PPM1L: variants seen among roughly 807,000 people sequenced by gnomAD.
The protein encoded by PPM1L is protein phosphatase 1L.
In PPM1L, 13 loss-of-function variants were observed where a neutral mutation model predicts 31.4. The observed-to-expected ratio is 0.41, with a 90% confidence interval of 0.27 to 0.66. The LOEUF is 0.66. Ranked by LOEUF, PPM1L falls within the 30% of genes least tolerant of loss-of-function variation. The pLI is 0.29. For missense variants in PPM1L, 326 were observed against 453.7 expected, an observed-to-expected ratio of 0.72 and a Z score of 2.56; for synonymous variants, 184 against 175.4, an observed-to-expected ratio of 1.05 and a Z score of -0.39.
intron 3 of PPM1L, among the ~76,000 whole-genome samples, chr3:161,067,883 C>A (rs574813849): frequency 3.5e-4 from 54 of 152,328 alleles, no homozygotes; most frequent in Non-Finnish European, 7.5e-4. Flanking sequence ...TCTCCATCTG[C>A]CTACAGCATT....
rs75599237 is a variant in PPM1L, at chr3:160,973,764, G to GTTTTTTTTTTTTTTT, written c.574+11869_574+11883dup. Among the ~76,000 whole-genome samples, 162 of 88,426 alleles carry GTTTTTTTTTTTTTTT rather than the reference G, an allele frequency of 1.8e-3. 2 individuals are homozygous for GTTTTTTTTTTTTTTT. Among genetic ancestry groups the GTTTTTTTTTTTTTTT allele is most frequent in the Non-Finnish European group, 3.1e-3 (121 of 39,124 alleles). 58.0% of individuals were successfully genotyped at this position (88,426 alleles called of 152,430 possible). On this transcript the variant is annotated intron_variant, in intron 2 of 3. Transcript: ENST00000498165. ...GGTAAATTGCCTTCTGAAAGGCCCT[G>GTTTTTTTTTTTTTTT]TTTTTTTTTTTTTTTTTTTTTTTTT...
intron 1 of PPM1L, among the ~76,000 whole-genome samples, chr3:160,956,098 G>A (rs527790031): frequency 2.5e-4 from 38 of 152,232 alleles, no homozygotes; most frequent in Non-Finnish European, 4.6e-4. Flanking sequence ...CTAATGACCA[G>A]CATCAGCATT....
At chr3:160,821,681 T>C (rs1158142114) in intron 1 of PPM1L, among the ~76,000 whole-genome samples, 4 of 152,112 alleles carry the variant, frequency 2.6e-5, no homozygotes, top group African/African-American at 9.6e-5. Context: ...CCACTAGTTA[T>C]GACATATCTA....
At chr3:161,032,827 G>A (rs1020902760) in intron 2 of PPM1L, among the ~76,000 whole-genome samples, 5 of 151,386 alleles carry the variant, frequency 3.3e-5, no homozygotes, top group African/African-American at 1.2e-4. Context: ...TGAGTAGCTG[G>A]GATTACAGAT....
chr3:160,944,970 T>TATAACTATATATAACA (rs1559897491), intron 1 of PPM1L, among the ~76,000 whole-genome samples: 8 of 69,632 alleles, frequency 1.1e-4, no homozygotes, highest in African/African-American at 3.7e-4. Context: ...ATAACATATA[T>TATAACTATATATAACA]TATATATAAC....
At chr3:161,046,486 T>C (rs939935239) in intron 2 of PPM1L, among the ~76,000 whole-genome samples, 1 of 152,116 alleles carries the variant, frequency 6.6e-6, no homozygotes, top group African/African-American at 2.4e-5. Flanking sequence ...CCAGACGGAT[T>C]CACAGCCGAA....
At chr3:161,007,742 A>C (rs1404293716) in intron 2 of PPM1L, among the ~76,000 whole-genome samples, 1 of 152,108 alleles carries the variant, frequency 6.6e-6, no homozygotes, top group Non-Finnish European at 1.5e-5. Flanking sequence ...AGGGAAGCCA[A>C]AAGATTGGAC....
chr3:160,953,506 G>A (rs1282456302), intron 1 of PPM1L, among the ~76,000 whole-genome samples: 1 of 152,144 alleles, frequency 6.6e-6, no homozygotes, highest in Non-Finnish European at 1.5e-5. Context: ...GTAACAAAAT[G>A]AGTAAAGGAA....
chr3:161,031,974 GAGAA>G (rs1718578912), intron 2 of PPM1L, among the ~76,000 whole-genome samples: 2 of 152,154 alleles, frequency 1.3e-5, no homozygotes, highest in South Asian at 4.1e-4. Context: ...GGGAAGAAAA[GAGAA>G]AGAAAGAGCA....
Position 161,069,460 on chromosome 3 carries a change from CTCCCTGAAGATTCTTT to C in PPM1L, c.*306_*321del. 3.0e-6 allele frequency: 1 copy of C among 328,270 alleles called. No homozygotes were observed. The highest frequency in any genetic ancestry group is 5.6e-6 in the Non-Finnish European group (1 of 177,078). 20.3% of individuals were successfully genotyped at this position (328,270 alleles called of 1,614,324 possible). A position where few individuals can be genotyped will look rare whatever the true frequency, so the allele number is the denominator to read the frequency against. On this transcript the variant is annotated 3_prime_UTR_variant, in exon 4 of 4. Transcript: ENST00000498165. ...GTGAATAGCATATGTGTCATTTAGT[CTCCCTGAAGATTCTTT>C]TCAAGATCCTGTTCAGGGTCCTCCA...
intron 1 of PPM1L, among the ~76,000 whole-genome samples, chr3:160,827,659 G>C (rs1713397494): frequency 6.6e-6 from 1 of 152,066 alleles, no homozygotes; most frequent in Non-Finnish European, 1.5e-5. Flanking sequence ...ATAGCTATTA[G>C]ACTGTGTTTT....
chr3:160,905,293 G>A (rs1412406542), intron 1 of PPM1L, among the ~76,000 whole-genome samples: 1 of 152,064 alleles, frequency 6.6e-6, no homozygotes, highest in Non-Finnish European at 1.5e-5. Context: ...TAATTATAGA[G>A]AGCATATTTT....
intron 2 of PPM1L, among the ~76,000 whole-genome samples, chr3:161,048,151 A>G (rs1260515714): frequency 1.3e-5 from 2 of 152,330 alleles, no homozygotes; most frequent in South Asian, 2.1e-4. Context: ...TGAACAGGCA[A>G]CCTACAGAAT....
At chr3:160,980,837 A>G (rs1170071741) in intron 2 of PPM1L, among the ~76,000 whole-genome samples, 1 of 151,988 alleles carries the variant, frequency 6.6e-6, no homozygotes, top group Non-Finnish European at 1.5e-5. Flanking sequence ...GGAAGGAAAG[A>G]TATAATGTGT....
chr3:160,966,144 A>G (rs894240223), intron 2 of PPM1L, among the ~76,000 whole-genome samples: 13 of 152,110 alleles, frequency 8.5e-5, no homozygotes, highest in African/African-American at 2.9e-4. Flanking sequence ...AGAACTGTGG[A>G]CAAGTCCATA....
intron 1 of PPM1L, among the ~76,000 whole-genome samples, chr3:160,799,847 G>A (rs566458955): frequency 6.6e-6 from 1 of 152,144 alleles, no homozygotes; most frequent in East Asian, 1.9e-4. Flanking sequence ...ACACCTTACT[G>A]TGCTGGGTTT....
intron 1 of PPM1L, among the ~76,000 whole-genome samples, chr3:160,822,283 T>C (rs1054075403): frequency 2.6e-5 from 4 of 151,976 alleles, no homozygotes; most frequent in Non-Finnish European, 5.9e-5. Context: ...AAAAAGACAA[T>C]ATGAGATCAT....
At chr3:160,853,842 C>T (rs1361099580) in intron 1 of PPM1L, among the ~76,000 whole-genome samples, 1 of 152,112 alleles carries the variant, frequency 6.6e-6, no homozygotes, top group East Asian at 1.9e-4. Context: ...CAATTTAATT[C>T]ATTTTTGCAG....
intron 1 of PPM1L, among the ~76,000 whole-genome samples, chr3:160,766,321 A>G (rs1463278201): frequency 6.6e-6 from 1 of 152,146 alleles, no homozygotes; most frequent in East Asian, 1.9e-4. Flanking sequence ...CCGAAATCTC[A>G]TCTTGTATTG....
Sources: gnomAD v4.1 joint callset for allele counts (sites outside exome capture counted in the v4.1 genomes callset) on GRCh38, gnomAD v4.1.1 for gene constraint, MANE v1.5 for transcripts, NCBI Gene and HGNC (gene_info 2026-07-23, HGNC 2026-07-21) for gene names.